The following FLI1 variants were observed in gnomAD, a reference collection of about 807,000 sequenced individuals.
FLI1 encodes the protein Fli-1 proto-oncogene, ETS transcription factor.
Under a neutral mutation model 53.1 loss-of-function variants are expected in FLI1, and 13 were observed. That is an observed-to-expected ratio of 0.24 (90% CI 0.16 to 0.39). The LOEUF is 0.39. FLI1 is among the 10% of genes least tolerant of loss of function. The pLI is 1.00. For missense variants in FLI1, 424 were observed against 600.5 expected, an observed-to-expected ratio of 0.71 and a Z score of 3.07; for synonymous variants, 244 against 236.7, an observed-to-expected ratio of 1.03 and a Z score of -0.28.
Position 128,812,518 on chromosome 11 carries a change from T to G in FLI1, c.*1530T>G. Reference sequence around the variant, plus strand: ...CTTGCACTATCAAGAATTTTTCGAATGTACCTACTGCAGTACAGCAGAAGG... The same window carrying G: ...CTTGCACTATCAAGAATTTTTCGAAGGTACCTACTGCAGTACAGCAGAAGG... On this transcript the variant is annotated 3_prime_UTR_variant, in exon 9 of 9. Coordinates refer to ENST00000527786, the MANE Select transcript of FLI1 (RefSeq NM_002017.5). 4.5e-6 allele frequency: 1 copy of G among 224,594 alleles called. No homozygotes were observed. The highest frequency in any genetic ancestry group is 8.9e-6 in the Non-Finnish European group (1 of 112,606). 13.9% of individuals were successfully genotyped at this position (224,594 alleles called of 1,614,324 possible).
chr11:128,781,808 T>C (rs1319056539), intron 4 of FLI1, 150 bp from the exon 5 acceptor site: 2 of 658,692 alleles, frequency 3.0e-6, no homozygotes, highest in African/African-American at 3.6e-5. Flanking sequence ...CCAAATGGAT[T>C]CCATTCGCTT....
chr11:128,787,307 T>C (rs1565500038), intron 5 of FLI1, among the ~76,000 whole-genome samples: 1 of 152,158 alleles, frequency 6.6e-6, no homozygotes, highest in Non-Finnish European at 1.5e-5. Flanking sequence ...ATCCCCCTTC[T>C]ATAGATAATG....
intron 5 of FLI1, among the ~76,000 whole-genome samples, chr11:128,788,011 C>T (rs1942148988): frequency 1.3e-5 from 2 of 151,062 alleles, no homozygotes; most frequent in African/African-American, 2.4e-5. Flanking sequence ...GGGGTTTCAC[C>T]ACGTTAGCCA....
intron 5 of FLI1, among the ~76,000 whole-genome samples, chr11:128,783,287 T>C (rs995276529): frequency 6.6e-6 from 1 of 152,266 alleles, no homozygotes; most frequent in African/African-American, 2.4e-5. Flanking sequence ...AGGCACTAGC[T>C]GGCTGTCTTG....
intron 3 of FLI1, 131 bp downstream of exon 3, chr11:128,768,403 C>T (rs774033527): frequency 9.6e-5 from 110 of 1,146,914 alleles, no homozygotes; most frequent in Admixed American, 5.3e-4. Flanking sequence ...GCACGCCAGC[C>T]GGGAGTGGTG....
At chr11:128,777,481 T>C (rs1359594886) in intron 4 of FLI1, among the ~76,000 whole-genome samples, 1 of 152,192 alleles carries the variant, frequency 6.6e-6, no homozygotes, top group African/African-American at 2.4e-5. Flanking sequence ...ACATTTTGCA[T>C]TTTCTGGTCT....
intron 1 of FLI1, among the ~76,000 whole-genome samples, chr11:128,708,795 T>C (rs1938664558): frequency 6.6e-6 from 1 of 152,216 alleles, no homozygotes; most frequent in South Asian, 2.1e-4. Context: ...TTCCGAGCCT[T>C]ATTTGGACTT....
intron 1 of FLI1, among the ~76,000 whole-genome samples, chr11:128,714,628 C>T (rs1938926211): frequency 6.6e-6 from 1 of 151,642 alleles, no homozygotes; most frequent in South Asian, 2.1e-4. Context: ...ATCAGTAATG[C>T]CAATAACAAT....
chr11:128,751,337 C>T (rs1940633807), intron 1 of FLI1, among the ~76,000 whole-genome samples: 1 of 151,146 alleles, frequency 6.6e-6, no homozygotes, highest in Non-Finnish European at 1.5e-5. Flanking sequence ...CAGCATTGGC[C>T]TTCATTAAAA....
upstream of FLI1, among the ~76,000 whole-genome samples, chr11:128,691,485 C>G (rs1937737198): frequency 6.6e-6 from 1 of 152,046 alleles, no homozygotes; most frequent in Non-Finnish European, 1.5e-5. Flanking sequence ...GGAGCTTCTC[C>G]CAGGGGGCTG....
At chr11:128,758,713 C>G (rs1488909987) in intron 2 of FLI1, among the ~76,000 whole-genome samples, 1 of 152,222 alleles carries the variant, frequency 6.6e-6, no homozygotes, top group East Asian at 1.9e-4. Flanking sequence ...CTGGGCAGGT[C>G]TCAGCAGAGC....
intron 5 of FLI1, among the ~76,000 whole-genome samples, chr11:128,792,570 G>C (rs1489920903): frequency 6.6e-6 from 1 of 152,158 alleles, no homozygotes; most frequent in Non-Finnish European, 1.5e-5. Context: ...GAGAGGGAGA[G>C]GAAGCTTCTT....
In FLI1 at chr11:128,738,978, G is replaced by A. The variant is rs536038208; in HGVS notation, c.19-19137G>A. Among the ~76,000 whole-genome samples the A allele has an allele frequency of 8.5e-5, 13 of 152,322 alleles. No individual in the cohort carries two copies. In the South Asian group the frequency reaches 2.5e-3, roughly 29 times the overall value. ...TCAGCAGCAAATACTGCTTGGTTTT[G>A]CATTTTCCCTTCTGTTTTCTGATTA... On this transcript the variant is annotated intron_variant, in intron 1 of 8. Transcript: ENST00000527786.
chr11:128,694,769 C>G (rs545345615), intron 1 of FLI1, among the ~76,000 whole-genome samples: 1 of 152,286 alleles, frequency 6.6e-6, no homozygotes, highest in South Asian at 2.1e-4. Flanking sequence ...GGGTAAGTGG[C>G]CTCGTTGCAC....
In FLI1 at chr11:128,758,125, C is replaced by T; in HGVS notation, c.29C>T (p.Ser10Leu). The T allele has an allele frequency of 6.2e-7, 1 of 1,611,890 alleles. No individual in the cohort carries two copies. Among genetic ancestry groups the T allele is most frequent in the Non-Finnish European group, 8.5e-7 (1 of 1,179,016 alleles). The change falls in exon 2 of 9, where the codon TCG becomes TTG. Residue 10 changes from serine (S) to leucine (L), a missense_variant. Ser to Leu is a moderately radical substitution (Grantham distance 145). Around this residue, in one of 5 missense-constraint regions of FLI1, gnomAD observed 137 missense variants for 169.1 expected, o/e 0.81. Coordinates refer to ENST00000527786, the MANE Select transcript of FLI1 (RefSeq NM_002017.5). MDGTIKEALSVVSDDQSLFD... is the reference protein window; with the variant it reads MDGTIKEALLVVSDDQSLFD... ...TCTCTGGCCCTGCAGGAGGCTCTGT[C>T]GGTGGTGAGCGACGACCAGTCCCTC...
At chr11:128,711,076 T>C (rs1013811597) in intron 1 of FLI1, among the ~76,000 whole-genome samples, 9 of 152,370 alleles carry the variant, frequency 5.9e-5, no homozygotes, top group Admixed American at 3.3e-4. Flanking sequence ...GTAGCCACTG[T>C]ACTCTCTATT....
At chr11:128,690,813 G>A (rs113999717), upstream of FLI1, among the ~76,000 whole-genome samples, 1,495 of 152,252 alleles carry the variant, frequency 9.8e-3, 23 homozygotes, top group African/African-American at 0.033. Flanking sequence ...GAGCTTCCTT[G>A]GCTGTGAGCT....
At chr11:128,703,742 C>G (rs1352786926) in intron 1 of FLI1, among the ~76,000 whole-genome samples, 1 of 145,936 alleles carries the variant, frequency 6.9e-6, no homozygotes, top group Admixed American at 7.1e-5. Flanking sequence ...ACTGGGGAGG[C>G]TGAGGCAGGA....
chr11:128,796,530 C>T (rs922699406), intron 5 of FLI1, among the ~76,000 whole-genome samples: 1 of 152,208 alleles, frequency 6.6e-6, no homozygotes, highest in Non-Finnish European at 1.5e-5. Flanking sequence ...TAAAAAGGAG[C>T]CTCTGATGCT....
Sources: allele counts gnomAD v4.1 joint callset (sites outside exome capture counted in the v4.1 genomes callset), GRCh38; gene constraint gnomAD v4.1.1; regional missense constraint gnomAD v4.1.1; transcripts MANE v1.5; gene names NCBI Gene and HGNC (gene_info 2026-07-23, HGNC 2026-07-21).